ANO1: variants seen among roughly 807,000 people sequenced by gnomAD.
The protein encoded by ANO1 is anoctamin 1.
In ANO1, 59 loss-of-function variants were observed where a neutral mutation model predicts 124.0. That is an observed-to-expected ratio of 0.48 (90% CI 0.39 to 0.59). The LOEUF is 0.59. Ranked by LOEUF, ANO1 falls within the 20% of genes least tolerant of loss-of-function variation. The pLI, the probability that ANO1 is intolerant of heterozygous loss-of-function variation, is 0.00. For synonymous variants in ANO1, 529 were observed against 532.0 expected (o/e 0.99, Z 0.08); for missense variants, 1,059 against 1,328.0 (o/e 0.80, Z 3.15).
intron 1 of ANO1, among the ~76,000 whole-genome samples, chr11:70,044,131 A>G (rs183250597): frequency 5.9e-5 from 9 of 152,166 alleles, no homozygotes; most frequent in African/African-American, 1.2e-4. Flanking sequence ...ATATACCATT[A>G]TAAGTTTACA....
rs375157370 is a variant in ANO1 at position 70,171,026 on chromosome 11, A to G, written c.2337A>G (p.Arg779=). ...VTELRRPVAV[R]AKDIGIWYNI... ...AGCTCCGAAGGCCGGTAGCTGTCAG[A>G]GCCAAAGACATCGGTGAGTGACCCC... The change falls in exon 22 of 26, where the codon AGA becomes AGG. Residue 779 remains arginine (R), a synonymous_variant. Coordinates refer to ENST00000355303, the MANE Select transcript of ANO1 (RefSeq NM_018043.7). The G allele has an allele frequency of 7.6e-5, 122 of 1,612,114 alleles. No homozygotes were observed. Among genetic ancestry groups the G allele is most frequent in the Non-Finnish European group, 1.0e-4 (118 of 1,179,200 alleles).
chr11:70,142,696 G>T (rs757226084), intron 11 of ANO1, among the ~76,000 whole-genome samples: 1 of 152,172 alleles, frequency 6.6e-6, no homozygotes. Flanking sequence ...CAAATACCAC[G>T]GACAGGTGCC....
intron 1 of ANO1, among the ~76,000 whole-genome samples, chr11:70,012,436 A>C (rs1555001267): frequency 1.4e-5 from 2 of 138,548 alleles, no homozygotes; most frequent in Non-Finnish European, 3.0e-5. Context: ...CCATCCATCT[A>C]TCCATTCATT....
chr11:70,115,923 G>A (rs1031137228), intron 7 of ANO1, among the ~76,000 whole-genome samples: 3 of 152,116 alleles, frequency 2.0e-5, no homozygotes, highest in Non-Finnish European at 4.4e-5. Context: ...ACTTAGGTGT[G>A]TGTCCTCAGA....
In ANO1 at chr11:70,028,157, G is replaced by A. The variant is rs535656750; in HGVS notation, c.58+41991G>A. 1.2e-4 allele frequency among the ~76,000 whole-genome samples: 18 copies of A among 152,340 alleles called. No homozygotes were observed. The South Asian group carries it at 3.1e-3, about 26-fold the overall frequency. On this transcript the variant is annotated intron_variant, in intron 1 of 27. Coordinates refer to the ANO1 transcript ENST00000531349. Reference sequence around the variant, plus strand: ...ATACATTTTAAAATCTGTCAGGTGTGACCCGAAGTGTCTTTAAAGATGAGT... The same window carrying A: ...ATACATTTTAAAATCTGTCAGGTGTAACCCGAAGTGTCTTTAAAGATGAGT...
At chr11:70,140,494 G>T (rs2135567720) in intron 11 of ANO1, among the ~76,000 whole-genome samples, 1 of 151,844 alleles carries the variant, frequency 6.6e-6, no homozygotes, top group South Asian at 2.1e-4. Flanking sequence ...TCATACCATT[G>T]CACTCCAGCC....
chr11:70,152,953 G>A (rs1203065385), intron 13 of ANO1, 104 bp from the exon 14 acceptor site: 1 of 954,274 alleles, frequency 1.0e-6, no homozygotes, highest in African/African-American at 1.6e-5. Flanking sequence ...GACCCAAAGG[G>A]TGCCCGAGGC....
At chr11:70,074,349 C>T (rs1393026735), upstream of ANO1, among the ~76,000 whole-genome samples, 4 of 152,164 alleles carry the variant, frequency 2.6e-5, no homozygotes, top group Non-Finnish European at 4.4e-5. Flanking sequence ...GTGGGTGCCA[C>T]GACCTCTACC....
chr11:70,135,740 GGA>G (rs1436799176), intron 11 of ANO1, among the ~76,000 whole-genome samples: 1 of 152,240 alleles, frequency 6.6e-6, no homozygotes, highest in Non-Finnish European at 1.5e-5. Flanking sequence ...GGGGAAGGGA[GGA>G]GAGAGGCTGA....
At chr11:69,973,908 A>AG in the ANO1 span, among the ~76,000 whole-genome samples, 9 of 152,064 alleles carry the variant, frequency 5.9e-5, no homozygotes, top group Non-Finnish European at 2.9e-5. Context: ...GGTTTCAAAA[A>AG]GGTTGTAAGA....
intron 8 of ANO1, among the ~76,000 whole-genome samples, chr11:70,120,194 G>T (rs2046202014): frequency 3.3e-5 from 5 of 152,286 alleles, no homozygotes; most frequent in Middle Eastern, 3.4e-3. Context: ...GTGGGCAGAA[G>T]AGAGTGTAGG....
chr11:69,992,103 T>C (rs1425647114), intron 1 of ANO1, among the ~76,000 whole-genome samples: 3 of 152,156 alleles, frequency 2.0e-5, no homozygotes, highest in Admixed American at 2.0e-4. Flanking sequence ...GGCCTGGCCA[T>C]GGCAGGCCTG....
At chr11:70,090,932 C>G (rs1429307002) in intron 2 of ANO1, among the ~76,000 whole-genome samples, 1 of 152,150 alleles carries the variant, frequency 6.6e-6, no homozygotes, top group African/African-American at 2.4e-5. Context: ...CCTGCTGGAG[C>G]CTCTCAAATC....
chr11:69,992,008 G>A lies in ANO1; in HGVS notation c.58+5842G>A, dbSNP rs565002181. Among the ~76,000 whole-genome samples the A allele has an allele frequency of 1.6e-4, 24 of 152,236 alleles. No individual in the cohort carries two copies. In the East Asian group the frequency reaches 2.3e-3, roughly 15 times the overall value. On this transcript the variant is annotated intron_variant, in intron 1 of 27. Coordinates refer to the ANO1 transcript ENST00000531349. ...AGCAGCTTGGGTCTCAGTTAATTTC[G>A]TCCACCACTTCTGTCTCCCTTGATG...
At chr11:70,127,913 C>T (rs2046587488) in intron 10 of ANO1, among the ~76,000 whole-genome samples, 1 of 152,234 alleles carries the variant, frequency 6.6e-6, no homozygotes, top group African/African-American at 2.4e-5. Context: ...TTTGGGCTGA[C>T]CCTGCCCTGC....
chr11:70,134,355 C>G (rs575344914), intron 11 of ANO1, among the ~76,000 whole-genome samples: 1 of 152,164 alleles, frequency 6.6e-6, no homozygotes, highest in African/African-American at 2.4e-5. Context: ...TGTTCAGTGC[C>G]GCCTGCTGTG....
At chr11:70,025,067 C>G (rs528759575) in intron 1 of ANO1, among the ~76,000 whole-genome samples, 2 of 152,300 alleles carry the variant, frequency 1.3e-5, no homozygotes, top group South Asian at 4.1e-4. Context: ...AAAATAAAAG[C>G]CTTCCATGGC....
chr11:70,151,076 C>A (rs755243145), intron 12 of ANO1, among the ~76,000 whole-genome samples: 5 of 152,230 alleles, frequency 3.3e-5, no homozygotes, highest in African/African-American at 1.2e-4. Flanking sequence ...AGATTCGGCA[C>A]CAGCCTTGCT....
At chr11:70,019,836 T>C (rs1263555673) in intron 1 of ANO1, among the ~76,000 whole-genome samples, 3 of 152,232 alleles carry the variant, frequency 2.0e-5, no homozygotes, top group Non-Finnish European at 4.4e-5. Flanking sequence ...CTCATGTGGA[T>C]CACTGAAATG....
Sources: allele counts gnomAD v4.1 joint callset (sites outside exome capture counted in the v4.1 genomes callset), GRCh38; gene constraint gnomAD v4.1.1; transcripts MANE v1.5; gene names NCBI Gene and HGNC (gene_info 2026-07-23, HGNC 2026-07-21).